Variants in TET3 observed in about 807,000 individuals in gnomAD.
TET3 encodes the protein methylcytosine dioxygenase TET3.
Under a neutral mutation model 141.4 loss-of-function variants are expected in TET3, and 19 were observed. The observed-to-expected ratio is 0.13, with a 90% CI of 0.09 to 0.20. The LOEUF (loss-of-function observed/expected upper bound fraction) is 0.20, where lower values mean the gene tolerates loss of function less well. TET3 is among the 10% of genes least tolerant of loss of function. TET3 has a pLI of 1.00. For synonymous variants in TET3, 1,043 were observed against 980.9 expected (o/e 1.06, Z -1.18); for missense variants, 1,874 against 2,356.9 (o/e 0.80, Z 4.24).
chr2:74,121,593 G>A, the TET3 span: 3 of 152,226 alleles, frequency 2.0e-5, no homozygotes, highest in East Asian at 5.8e-4. Context: ...AAATTGAAAG[G>A]AAACTTCTGG....
intron 4 of TET3, among the ~76,000 whole-genome samples, chr2:74,062,703 G>C (rs771245062): frequency 1.3e-5 from 2 of 152,072 alleles, no homozygotes; most frequent in African/African-American, 2.4e-5. Flanking sequence ...ACTAAACATG[G>C]AAAACATAAA....
intron 5 of TET3, among the ~76,000 whole-genome samples, chr2:74,075,298 G>T (rs1482233972): frequency 7.6e-6 from 1 of 132,444 alleles, no homozygotes; most frequent in Non-Finnish European, 1.6e-5. Flanking sequence ...ACCCCATTTT[G>T]TCTGACCATG....
chr2:74,108,914 T>C (rs530423844), downstream of TET3, among the ~76,000 whole-genome samples: 1 of 152,320 alleles, frequency 6.6e-6, no homozygotes, highest in African/African-American at 2.4e-5. Context: ...TGAGTGAAAA[T>C]ACCATGATCA....
chr2:74,083,099 A>G (rs879780847), intron 6 of TET3, among the ~76,000 whole-genome samples: 60 of 152,362 alleles, frequency 3.9e-4, no homozygotes, highest in African/African-American at 1.4e-3. Flanking sequence ...GACACAGTCA[A>G]GGTACATCAT....
At chr2:74,029,543 G>GA (rs1365228116) in intron 3 of TET3, among the ~76,000 whole-genome samples, 1 of 152,186 alleles carries the variant, frequency 6.6e-6, no homozygotes, top group Non-Finnish European at 1.5e-5. Context: ...TAGCATATGA[G>GA]AAAAAACCAC....
the TET3 span, among the ~76,000 whole-genome samples, chr2:74,129,476 C>A: frequency 6.7e-6 from 1 of 149,702 alleles, no homozygotes; most frequent in Non-Finnish European, 1.5e-5. Context: ...CTACAAAAAA[C>A]GCAAAAATTA....
At chr2:74,036,839 C>T (rs1314145219) in intron 3 of TET3, among the ~76,000 whole-genome samples, 1 of 152,192 alleles carries the variant, frequency 6.6e-6, no homozygotes, top group African/African-American at 2.4e-5. Flanking sequence ...TCCTGTGCTT[C>T]TGCCAGATAT....
At chr2:74,033,092 C>T (rs1188263208) in intron 3 of TET3, among the ~76,000 whole-genome samples, 1 of 152,196 alleles carries the variant, frequency 6.6e-6, no homozygotes, top group Non-Finnish European at 1.5e-5. Flanking sequence ...AGAAATTTTC[C>T]CTGACTGCTC....
chr2:74,104,246 G>A lies in TET3; in HGVS notation c.*2070G>A, dbSNP rs980045116. 1.3e-5 allele frequency: 2 copies of A among 152,100 alleles called. No homozygotes were observed. Among genetic ancestry groups the A allele is most frequent in the African/African-American group, 4.8e-5 (2 of 41,424 alleles). The allele number at this position is 152,100 out of a possible 1,614,324, so 9.4% of individuals were successfully genotyped here. A position where few individuals can be genotyped will look rare whatever the true frequency, so the allele number is the denominator to read the frequency against. ...CACTTTTACCATATTCTGTAAAGTT[G>A]CATTTATTTTACAGGACAAAAAAAT... On this transcript the variant is annotated 3_prime_UTR_variant, in exon 12 of 12. Coordinates refer to ENST00000409262, the MANE Select transcript of TET3 (RefSeq NM_001287491.2).
intron 6 of TET3, among the ~76,000 whole-genome samples, chr2:74,085,898 GT>G (rs1332046357): frequency 6.6e-6 from 1 of 152,208 alleles, no homozygotes; most frequent in Non-Finnish European, 1.5e-5. Context: ...GTCACTCAGG[GT>G]TTTTCCTTGT....
At chr2:74,042,863 T>A (rs1687411691) in intron 3 of TET3, among the ~76,000 whole-genome samples, 1 of 152,204 alleles carries the variant, frequency 6.6e-6, no homozygotes, top group Admixed American at 6.5e-5. Flanking sequence ...ATTTAGAGTT[T>A]CTTAAGATCT....
At chr2:73,988,530 G>T (rs1443198219) in intron 2 of TET3, among the ~76,000 whole-genome samples, 1 of 152,192 alleles carries the variant, frequency 6.6e-6, no homozygotes, top group Non-Finnish European at 1.5e-5. Flanking sequence ...TGTGTAAGCT[G>T]TCGGCCCAGG....
chr2:73,988,221 G>T (rs1684144853), intron 2 of TET3, among the ~76,000 whole-genome samples: 1 of 152,186 alleles, frequency 6.6e-6, no homozygotes, highest in Admixed American at 6.5e-5. Flanking sequence ...AGCGGGGGAG[G>T]CTTTACTTCT....
At chr2:74,082,023 C>T (rs938441487) in intron 6 of TET3, among the ~76,000 whole-genome samples, 1 of 151,496 alleles carries the variant, frequency 6.6e-6, no homozygotes, top group South Asian at 2.1e-4. Context: ...AGAGAAAAGA[C>T]GTCAGCCGTA....
chr2:74,083,969 C>T (rs764754391), intron 6 of TET3, among the ~76,000 whole-genome samples: 13 of 152,120 alleles, frequency 8.5e-5, no homozygotes, highest in Non-Finnish European at 1.8e-4. Flanking sequence ...AGATGTGCGT[C>T]GATGCCCGTG....
intron 3 of TET3, among the ~76,000 whole-genome samples, chr2:74,032,489 G>GCGCGCGCGCGATGGCCCCAGCGGC (rs1558730157): frequency 5.3e-5 from 8 of 150,764 alleles, no homozygotes; most frequent in African/African-American, 2.0e-4. Flanking sequence ...GTGTGTGTGT[G>GCGCGCGCGCGATGGCCCCAGCGGC]TGTGTGTGTG....
intron 3 of TET3, among the ~76,000 whole-genome samples, chr2:74,017,635 C>G (rs1379917675): frequency 6.6e-6 from 1 of 152,126 alleles, no homozygotes; most frequent in Non-Finnish European, 1.5e-5. Flanking sequence ...TGTTCTTTAT[C>G]CATTGACTGA....
At chr2:74,131,791 C>T in the TET3 span, among the ~76,000 whole-genome samples, 5 of 152,148 alleles carry the variant, frequency 3.3e-5, no homozygotes, top group African/African-American at 2.4e-5. Context: ...GTGGCTACAT[C>T]CGATGCAATG....
At position 74,101,128 on chromosome 2, in the gene TET3, A is replaced by G. The variant is rs745947618; in HGVS notation, c.4340A>G (p.Lys1447Arg). 1 of 1,613,770 alleles carries G rather than the reference A, an allele frequency of 6.2e-7. No homozygotes were observed. Among genetic ancestry groups the G allele is most frequent in the Non-Finnish European group, 8.5e-7 (1 of 1,179,812 alleles). ...TCAGGAGGCCCAAGCATGTCCCCCA[A>G]GAGGACTAACGGTGTGGGTGGCAGC... ...QYSGGPSMSPKRTNGVGGSWG... is the reference protein window; with the variant it reads ...QYSGGPSMSPRRTNGVGGSWG... Residue 1447 changes from lysine (K) to arginine (R), a missense_variant, in exon 12 of 12, where the codon AAG (lysine) becomes AGG (arginine). By Grantham distance (26) the Lys-to-Arg change is conservative. This residue lies in a region of TET3 where 602 missense variants were observed against 590.2 expected (regional missense o/e 1.02). Coordinates refer to ENST00000409262, the MANE Select transcript of TET3 (RefSeq NM_001287491.2). This position sits in a 1 kb window ranked among gnomAD's most constrained non-coding sequence, Gnocchi z 8.5.
Sources: gnomAD v4.1 joint callset for allele counts (sites outside exome capture counted in the v4.1 genomes callset) on GRCh38, gnomAD v4.1.1 for gene constraint, gnomAD v4.1.1 regional missense constraint, Gnocchi (gnomAD v3.1) non-coding constraint, MANE v1.5 for transcripts, NCBI Gene and HGNC (gene_info 2026-07-23, HGNC 2026-07-21) for gene names.